Variants in COPS2 observed in about 807,000 individuals in gnomAD.
The protein encoded by COPS2 is COP9 signalosome complex subunit 2.
In COPS2, 10 loss-of-function variants were observed where a neutral mutation model predicts 66.1. The observed-to-expected ratio is 0.15, with a 90% CI of 0.09 to 0.26. COPS2 has a LOEUF of 0.26. COPS2 is among the 10% of genes least tolerant of loss of function. The pLI is 1.00. For synonymous variants in COPS2, 179 were observed against 171.3 expected, an observed-to-expected ratio of 1.04 and a Z score of -0.35; for missense variants, 215 against 513.3, an observed-to-expected ratio of 0.42 and a Z score of 5.62.
chr15:49,134,818 T>C (rs1486743860), intron 6 of COPS2, among the ~76,000 whole-genome samples: 2 of 152,200 alleles, frequency 1.3e-5, no homozygotes, highest in Non-Finnish European at 2.9e-5. Context: ...CTATGTATAG[T>C]AGTATGTTTT....
chr15:49,140,680 T>C (rs1194645347), intron 3 of COPS2, among the ~76,000 whole-genome samples: 1 of 152,180 alleles, frequency 6.6e-6, no homozygotes, highest in Non-Finnish European at 1.5e-5. Flanking sequence ...AAGTCTAACC[T>C]TATAACCTGC....
At chr15:49,131,243 C>T (rs894030918) in intron 9 of COPS2, among the ~76,000 whole-genome samples, 12 of 152,044 alleles carry the variant, frequency 7.9e-5, no homozygotes, top group East Asian at 5.8e-4. Context: ...GGTGTAGCCT[C>T]GTCTTTCAAA....
chr15:49,133,633 A>G (rs1376134761), intron 9 of COPS2, 126 bp downstream of exon 9: 1 of 625,086 alleles, frequency 1.6e-6, no homozygotes, highest in Non-Finnish European at 2.7e-6. Context: ...AAAATTCTAC[A>G]AACTTTTCTA....
intron 1 of COPS2, 145 bp downstream of exon 1, chr15:49,155,380 G>C: frequency 1.3e-5 from 9 of 705,232 alleles, no homozygotes; most frequent in Non-Finnish European, 2.2e-5. Flanking sequence ...TGCGGGAACG[G>C]GGAGGAGGTA....
At chr15:49,130,893 C>T in intron 9 of COPS2, 77 bp from the exon 10 acceptor site, 1 of 668,900 alleles carries the variant, frequency 1.5e-6, no homozygotes, top group Non-Finnish European at 2.5e-6. Flanking sequence ...AAAGACCCTG[C>T]TTCTCAACTT....
Position 49,137,136 on chromosome 15 carries a change from T to A in COPS2, c.540+14A>T. 1 of 1,528,986 alleles carries A rather than the reference T, an allele frequency of 6.5e-7. No homozygotes were observed. Among genetic ancestry groups the A allele is most frequent in the Non-Finnish European group, 8.8e-7 (1 of 1,131,786 alleles). 94.7% of individuals were successfully genotyped at this position (1,528,986 alleles called of 1,614,324 possible). A position where few individuals can be genotyped will look rare whatever the true frequency, so the allele number is the denominator to read the frequency against. Reference sequence around the variant, plus strand: ...TTATGAAGAAATATTCAGAAAAAAATAAGGGAAAGCTACCTGGCACGACTG... The same window carrying A: ...TTATGAAGAAATATTCAGAAAAAAAAAAGGGAAAGCTACCTGGCACGACTG... On this transcript the variant is annotated intron_variant, in intron 6 of 12. Transcript: ENST00000388901.
chr15:49,155,241 C>CT (rs1432084330), intron 1 of COPS2, among the ~76,000 whole-genome samples: 4 of 152,234 alleles, frequency 2.6e-5, no homozygotes, highest in Non-Finnish European at 5.9e-5. Context: ...GAGAACCGAA[C>CT]GCCTGGGACC....
In COPS2 at chr15:49,133,819, C is replaced by G. The variant is rs371613943; in HGVS notation, c.895-8G>C. 3 of 1,573,914 alleles carry G rather than the reference C, an allele frequency of 1.9e-6. No homozygotes were observed. Among genetic ancestry groups the G allele is most frequent in the East Asian group, 2.3e-5 (1 of 44,360 alleles). On this transcript the variant is annotated splice_polypyrimidine_tract_variant and splice_region_variant and intron_variant, in intron 8 of 12. Transcript: ENST00000388901. ...ATTTTTGTACGGCTTGGCCTAAACA[C>G]AGTAAAGAAAAAAATTAAATATATG... is the stretch of plus-strand genomic sequence containing the variant.
At chr15:49,131,234 G>T (rs1431987517) in intron 9 of COPS2, among the ~76,000 whole-genome samples, 1 of 152,056 alleles carries the variant, frequency 6.6e-6, no homozygotes, top group Admixed American at 6.6e-5. Flanking sequence ...ACATGAAGGG[G>T]TGTAGCCTCG....
intron 4 of COPS2, among the ~76,000 whole-genome samples, chr15:49,138,840 T>C (rs1210329609): frequency 6.6e-6 from 1 of 152,150 alleles, no homozygotes; most frequent in African/African-American, 2.4e-5. Flanking sequence ...TATCTTGTAC[T>C]CAAGTATCAC....
At chr15:49,138,688 T>C (rs1035059875) in intron 4 of COPS2, among the ~76,000 whole-genome samples, 1 of 152,086 alleles carries the variant, frequency 6.6e-6, no homozygotes, top group Non-Finnish European at 1.5e-5. Flanking sequence ...AAAATTTAAA[T>C]GTAAAGAGTA....
chr15:49,148,752 A>C (rs909045820), intron 1 of COPS2, among the ~76,000 whole-genome samples: 1 of 152,210 alleles, frequency 6.6e-6, no homozygotes, highest in African/African-American at 2.4e-5. Context: ...ATAAGGAGAA[A>C]AGTTAGGGGA....
chr15:49,129,080 G>C (rs1385427003), intron 11 of COPS2, among the ~76,000 whole-genome samples: 1 of 152,104 alleles, frequency 6.6e-6, no homozygotes, highest in Non-Finnish European at 1.5e-5. Context: ...GAAATTTAGT[G>C]ATTCCTAATT....
intron 9 of COPS2, 122 bp from the exon 10 acceptor site, chr15:49,130,938 T>C: frequency 2.1e-6 from 1 of 474,370 alleles, no homozygotes; most frequent in Non-Finnish European, 3.7e-6. Flanking sequence ...TTATACTTTC[T>C]GTCATGGAAA....
chr15:49,140,090 G>A (rs1370824996), intron 3 of COPS2, among the ~76,000 whole-genome samples: 2 of 151,860 alleles, frequency 1.3e-5, no homozygotes, highest in African/African-American at 4.8e-5. Context: ...AGGTTCAAGC[G>A]ATTCTCCTGC....
intron 1 of COPS2, among the ~76,000 whole-genome samples, chr15:49,148,671 C>G (rs2084338282): frequency 6.6e-6 from 1 of 152,102 alleles, no homozygotes; most frequent in African/African-American, 2.4e-5. Flanking sequence ...TTTCTGGAAG[C>G]AATGAAGAGC....
At chr15:49,131,614 G>C (rs942431591) in intron 9 of COPS2, among the ~76,000 whole-genome samples, 19 of 151,902 alleles carry the variant, frequency 1.3e-4, no homozygotes, top group Non-Finnish European at 2.5e-4. Flanking sequence ...AGGGGCACGT[G>C]ATTCAAGTGC....
At position 49,124,812 on chromosome 15, in the gene COPS2, A is replaced by G. The variant is rs2084152336; in HGVS notation, c.*3138T>C. The G allele has an allele frequency of 6.6e-6, 1 of 152,164 alleles. No homozygotes were observed. The highest frequency in any genetic ancestry group is 2.1e-4 in the South Asian group (1 of 4,808). The allele number at this position is 152,164 out of a possible 1,614,324, so 9.4% of individuals were successfully genotyped here. On this transcript the variant is annotated 3_prime_UTR_variant, in exon 13 of 13. Coordinates refer to ENST00000388901, the MANE Select transcript of COPS2 (RefSeq NM_004236.4). The stretch of plus-strand genomic sequence containing the variant: ...TTCAGGTTTAAAAGTGACTAAAATA[A>G]TATTTTAAAAAATCCTTAGTAAATT...
intron 6 of COPS2, among the ~76,000 whole-genome samples, chr15:49,135,286 T>G (rs1234611179): frequency 6.6e-6 from 1 of 152,138 alleles, no homozygotes; most frequent in Non-Finnish European, 1.5e-5. Context: ...ATTATTGTCT[T>G]CCCAAAATCT....
Sources: gnomAD v4.1 joint callset for allele counts (sites outside exome capture counted in the v4.1 genomes callset) on GRCh38, gnomAD v4.1.1 for gene constraint, MANE v1.5 for transcripts, NCBI Gene and HGNC (gene_info 2026-07-23, HGNC 2026-07-21) for gene names.